SUCLA2: variants seen among roughly 807,000 people sequenced by gnomAD.
SUCLA2 encodes succinate-CoA ligase ADP-forming subunit beta.
SUCLA2 carries 30 observed loss-of-function variants against 54.8 expected under a neutral mutation model. The observed-to-expected ratio is 0.55, with a 90% CI of 0.41 to 0.74. SUCLA2 has a LOEUF of 0.74. Ranked by LOEUF, SUCLA2 falls within the 30% of genes least tolerant of loss-of-function variation. The pLI is 0.00. For missense variants in SUCLA2, 476 were observed against 562.9 expected (o/e 0.85, Z 1.56); for synonymous variants, 172 against 188.9 (o/e 0.91, Z 0.74).
chr13:47,999,509 C>T (rs925227587), intron 1 of SUCLA2, among the ~76,000 whole-genome samples: 15 of 151,998 alleles, frequency 9.9e-5, no homozygotes, highest in African/African-American at 3.6e-4. Context: ...AGATCGAGAC[C>T]GTCCTGGCTA....
Position 47,968,653 on chromosome 13 carries a change from C to T in SUCLA2, c.744G>A (p.Leu248=). 1 of 1,611,812 alleles carries T rather than the reference C, an allele frequency of 6.2e-7. No individual in the cohort carries two copies. Among genetic ancestry groups the T allele is most frequent in the Non-Finnish European group, 8.5e-7 (1 of 1,179,784 alleles). Residue 248 remains leucine (L), a synonymous_variant, in exon 6 of 11, where the codon CTG becomes CTA. Coordinates refer to ENST00000646932, the MANE Select transcript of SUCLA2 (RefSeq NM_003850.3). ...ENMVKLYSLF[L]KYDATMIEIN... The stretch of plus-strand genomic sequence containing the variant: ...TTTCTATCATGGTTGCATCGTATTT[C>T]AGAAAAAGGCTGTAAAGCTTGACCA...
intron 1 of SUCLA2, 53 bp from the exon 2 acceptor site, chr13:47,997,076 T>C (rs571554534): frequency 6.3e-7 from 1 of 1,590,986 alleles, no homozygotes; most frequent in Non-Finnish European, 8.6e-7. Context: ...CAGTCACTCT[T>C]GCTAACTACT....
At chr13:47,957,028 A>G (rs1445557308) in intron 6 of SUCLA2, 1 of 152,170 alleles carries the variant, frequency 6.6e-6, no homozygotes, top group East Asian at 1.9e-4. Context: ...TTCCTTCCTC[A>G]GGAAGGGACC....
In SUCLA2 at chr13:47,954,448, A is replaced by G. The variant is rs1949802890; in HGVS notation, c.912T>C (p.Ala304=). ...CAATGTAGTTGAGATTTGCCTTAGCAGCATCTTTGTCCCTTTCATCTTCCT... is the reference window on the plus strand; with the variant it reads ...CAATGTAGTTGAGATTTGCCTTAGCGGCATCTTTGTCCCTTTCATCTTCCT... The part of the protein sequence containing the change: ...WTQEDERDKD[A]AKANLNYIGL... Residue 304 remains alanine, a synonymous_variant, in exon 7 of 11, where the codon GCT becomes GCC. Transcript: ENST00000646932. 6.2e-7 allele frequency: 1 copy of G among 1,614,058 alleles called. No homozygotes were observed. Among genetic ancestry groups the G allele is most frequent in the Non-Finnish European group, 8.5e-7 (1 of 1,179,938 alleles).
intron 4 of SUCLA2, among the ~76,000 whole-genome samples, chr13:47,984,071 G>A (rs572810574): frequency 8.5e-5 from 13 of 152,210 alleles, no homozygotes; most frequent in Non-Finnish European, 1.8e-4. Context: ...ACTGTAGAAT[G>A]AATAGCTATT....
At chr13:47,957,904 T>G (rs1443003787) in intron 6 of SUCLA2, among the ~76,000 whole-genome samples, 1 of 152,132 alleles carries the variant, frequency 6.6e-6, no homozygotes, top group Admixed American at 6.6e-5. Flanking sequence ...TTTTGGGGCT[T>G]GTTTGTTGCT....
At chr13:47,980,546 A>T (rs1052974423) in intron 4 of SUCLA2, among the ~76,000 whole-genome samples, 5 of 152,324 alleles carry the variant, frequency 3.3e-5, no homozygotes, top group African/African-American at 1.2e-4. Flanking sequence ...GATTCAATGT[A>T]ATCTCTATCA....
At position 47,954,422 on chromosome 13, in the gene SUCLA2, C is replaced by A; in HGVS notation, c.938G>T (p.Gly313Val). The change falls in exon 7 of 11, where the codon GGC (glycine) becomes GTC (valine). Residue 313 changes from glycine (G) to valine (V), a missense_variant. Physicochemically the swap from Gly to Val is moderately radical, Grantham distance 109. Transcript: ENST00000646932. ...TAGGCAGCCTATATTTCCATCGAGG[C>A]CAATGTAGTTGAGATTTGCCTTAGC... ...DAAKANLNYIGLDGNIGCLVN... is the reference protein window; with the variant it reads ...DAAKANLNYIVLDGNIGCLVN... 1 of 1,613,976 alleles carries A rather than the reference C, an allele frequency of 6.2e-7. No individual in the cohort carries two copies. The highest frequency in any genetic ancestry group is 1.1e-5 in the South Asian group (1 of 91,076).
chr13:47,990,724 A>G (rs1211206541), intron 2 of SUCLA2, among the ~76,000 whole-genome samples: 1 of 152,196 alleles, frequency 6.6e-6, no homozygotes, highest in Non-Finnish European at 1.5e-5. Flanking sequence ...CTCTACAACT[A>G]GGATGTCACT....
chr13:47,972,731 G>A (rs1426306724), intron 5 of SUCLA2, among the ~76,000 whole-genome samples: 1 of 148,576 alleles, frequency 6.7e-6, no homozygotes, highest in Non-Finnish European at 1.5e-5. Flanking sequence ...ACTAGATAGG[G>A]TAATGGTATA....
At position 47,968,464 on chromosome 13, in the gene SUCLA2, C is replaced by T. The variant is rs1452352398; in HGVS notation, c.802+131G>A. The T allele has an allele frequency of 1.0e-5, 10 of 1,003,120 alleles. No individual in the cohort carries two copies. In the Admixed American group the frequency reaches 2.5e-4, roughly 25 times the overall value. The allele number at this position is 1,003,120 out of a possible 1,614,324, so 62.1% of individuals were successfully genotyped here. On this transcript the variant is annotated intron_variant, in intron 6 of 10. Coordinates refer to ENST00000646932, the MANE Select transcript of SUCLA2 (RefSeq NM_003850.3). ...TAATATTTGTTCATATTCATTCTAT[C>T]TGATTTTTTTTTAAAAAGCTTCTAC...
chr13:47,984,546 A>AT (rs1311879601), intron 4 of SUCLA2, among the ~76,000 whole-genome samples: 1 of 151,988 alleles, frequency 6.6e-6, no homozygotes, highest in Admixed American at 6.6e-5. Flanking sequence ...TCTTGTTGGT[A>AT]TTTTTTTAAA....
intron 8 of SUCLA2, among the ~76,000 whole-genome samples, chr13:47,952,271 C>G (rs1364078018): frequency 3.3e-5 from 5 of 152,160 alleles, no homozygotes; most frequent in Non-Finnish European, 7.4e-5. Context: ...CATTTGTTCT[C>G]TGTTTTTCAT....
intron 10 of SUCLA2, among the ~76,000 whole-genome samples, chr13:47,948,070 C>T (rs1294836674): frequency 1.3e-5 from 2 of 152,040 alleles, no homozygotes; most frequent in Non-Finnish European, 2.9e-5. Context: ...AAACAAGTAA[C>T]AGTAATTTTT....
At chr13:47,988,328 T>G (rs898924857) in intron 4 of SUCLA2, 2 of 554,760 alleles carry the variant, frequency 3.6e-6, no homozygotes, top group African/African-American at 3.9e-5. Context: ...AGCAGAATTT[T>G]TCCTATAATT....
chr13:47,989,809 T>C (rs1950136063), intron 2 of SUCLA2, among the ~76,000 whole-genome samples: 1 of 152,194 alleles, frequency 6.6e-6, no homozygotes. Context: ...GAAAGTTCTA[T>C]TAAAATACAT....
chr13:47,945,153 G>A (rs1207718719), intron 10 of SUCLA2, among the ~76,000 whole-genome samples: 3 of 151,246 alleles, frequency 2.0e-5, no homozygotes, highest in African/African-American at 7.3e-5. Context: ...GGAGGCTGAG[G>A]CAGGAGGATT....
chr13:47,998,745 G>C (rs1415669879), intron 1 of SUCLA2, among the ~76,000 whole-genome samples: 1 of 152,112 alleles, frequency 6.6e-6, no homozygotes, highest in African/African-American at 2.4e-5. Flanking sequence ...CTTCTGTCAG[G>C]GAGTATTGAT....
At chr13:47,982,971 C>A (rs180707886) in intron 4 of SUCLA2, among the ~76,000 whole-genome samples, 9 of 152,206 alleles carry the variant, frequency 5.9e-5, no homozygotes, top group African/African-American at 2.2e-4. Context: ...AAATTTGTAG[C>A]TAGCTAGTCA....
Sources: gnomAD v4.1 joint callset for allele counts (sites outside exome capture counted in the v4.1 genomes callset) on GRCh38, gnomAD v4.1.1 for gene constraint, MANE v1.5 for transcripts, NCBI Gene and HGNC (gene_info 2026-07-23, HGNC 2026-07-21) for gene names.